The following MKLN1 variants were observed in gnomAD, a reference collection of about 807,000 sequenced individuals.
MKLN1 encodes the protein muskelin 1.
A neutral mutation model predicts 99.0 loss-of-function variants in MKLN1; 18 were observed. That is an observed-to-expected ratio of 0.18 (90% CI 0.13 to 0.27). MKLN1 has a LOEUF of 0.27. Ranked by LOEUF, MKLN1 falls within the 10% of genes least tolerant of loss-of-function variation. The probability of loss-of-function intolerance (pLI) is 1.00; values close to 1 mark genes in which losing one functional copy is unlikely to be tolerated. For missense variants in MKLN1, 621 were observed against 875.9 expected, an observed-to-expected ratio of 0.71 and a Z score of 3.67; for synonymous variants, 288 against 293.2, an observed-to-expected ratio of 0.98 and a Z score of 0.18.
intron 3 of MKLN1, among the ~76,000 whole-genome samples, chr7:131,219,375 A>G (rs1336196334): frequency 6.6e-6 from 1 of 152,138 alleles, no homozygotes; most frequent in African/African-American, 2.4e-5. Context: ...ACACAACAGG[A>G]CAAAGGCCAA....
chr7:131,458,947 C>G (rs531804474), intron 12 of MKLN1, among the ~76,000 whole-genome samples: 1 of 152,152 alleles, frequency 6.6e-6, no homozygotes, highest in East Asian at 1.9e-4. Flanking sequence ...GTTTGACACT[C>G]CTATAATAAA....
At chr7:131,149,770 G>C (rs370391994) in intron 2 of MKLN1, among the ~76,000 whole-genome samples, 1 of 152,290 alleles carries the variant, frequency 6.6e-6, no homozygotes, top group South Asian at 2.1e-4. Context: ...TACAGTTGAG[G>C]TTTTTAATTC....
rs1363228667 is a variant in MKLN1, at chr7:131,488,425, T to C, written c.*697T>C. 1.3e-5 allele frequency: 2 copies of C among 152,562 alleles called. No individual in the cohort carries two copies. Among genetic ancestry groups the C allele is most frequent in the African/African-American group, 4.8e-5 (2 of 41,438 alleles). 9.5% of individuals were successfully genotyped at this position (152,562 alleles called of 1,614,324 possible). A position where few individuals can be genotyped will look rare whatever the true frequency, so the allele number is the denominator to read the frequency against. ...ATCTGAGATTGGTATATAATATTTCTATAATGATATATTTTATAGTAGATA... is the reference window on the plus strand; with the variant it reads ...ATCTGAGATTGGTATATAATATTTCCATAATGATATATTTTATAGTAGATA... On this transcript the variant is annotated 3_prime_UTR_variant, in exon 18 of 18. Transcript: ENST00000352689.
At chr7:131,383,488 T>C (rs947504548) in intron 2 of MKLN1, among the ~76,000 whole-genome samples, 1 of 152,080 alleles carries the variant, frequency 6.6e-6, no homozygotes, top group Non-Finnish European at 1.5e-5. Context: ...CATGAATGAA[T>C]CCAGCAGCTA....
At chr7:131,355,962 T>G (rs1255891954) in intron 1 of MKLN1, among the ~76,000 whole-genome samples, 1 of 152,028 alleles carries the variant, frequency 6.6e-6, no homozygotes, top group Non-Finnish European at 1.5e-5. Flanking sequence ...TTTTTCTATC[T>G]CTTAAATTTT....
At chr7:131,189,751 G>A (rs756408217) in intron 2 of MKLN1, among the ~76,000 whole-genome samples, 75 of 152,278 alleles carry the variant, frequency 4.9e-4, no homozygotes, top group Non-Finnish European at 8.4e-4. Flanking sequence ...AGAACTATTA[G>A]ACGCCCGTTG....
Position 131,302,017 on chromosome 7 carries a change from A to G in MKLN1, c.-178-73407A>G, listed in dbSNP as rs373134997. On this transcript the variant is annotated intron_variant, in intron 3 of 7. Transcript: ENST00000416992. ...TGAAATAGGAAAAGTTTAATTGACA[A>G]TGCCACAGGGGCCAATACCTGTAGG... 7.2e-4 allele frequency among the ~76,000 whole-genome samples: 109 copies of G among 152,362 alleles called. 1 individual carries two copies. Among genetic ancestry groups the G allele is most frequent in the Admixed American group, 2.2e-3 (33 of 15,302 alleles).
Position 131,445,762 on chromosome 7 carries a change from C to A in MKLN1, c.1396-12C>A, listed in dbSNP as rs74980793. 1.4e-6 allele frequency: 2 copies of A among 1,463,030 alleles called. No homozygotes were observed. Among genetic ancestry groups the A allele is most frequent in the African/African-American group, 1.5e-5 (1 of 66,382 alleles). 90.6% of individuals were successfully genotyped at this position (1,463,030 alleles called of 1,614,324 possible). On this transcript the variant is annotated splice_polypyrimidine_tract_variant and intron_variant, in intron 11 of 17. Transcript: ENST00000352689. ...AAGTTACTCCTTTCTTTTTTTTTTT[C>A]TTCTTTTTCAGAAAAATCGTTGCTT...
chr7:131,435,069 A>G (rs962982075), intron 9 of MKLN1, among the ~76,000 whole-genome samples: 6 of 152,200 alleles, frequency 3.9e-5, no homozygotes, highest in Non-Finnish European at 4.4e-5. Flanking sequence ...TTGATCATGA[A>G]TAGGTGATGA....
intron 3 of MKLN1, among the ~76,000 whole-genome samples, chr7:131,245,322 C>A (rs1797470004): frequency 6.9e-6 from 1 of 144,312 alleles, no homozygotes; most frequent in South Asian, 2.3e-4. Context: ...AGGCTGAGAG[C>A]AGTGGCGTGA....
intron 8 of MKLN1, among the ~76,000 whole-genome samples, chr7:131,427,625 C>G (rs888714109): frequency 1.3e-5 from 2 of 152,136 alleles, no homozygotes; most frequent in African/African-American, 4.8e-5. Context: ...GTGATCTCAG[C>G]TCCCTGCAAC....
intron 2 of MKLN1, among the ~76,000 whole-genome samples, chr7:131,192,263 TATATAA>T (rs1563247661): frequency 2.0e-4 from 17 of 84,670 alleles, no homozygotes; most frequent in Non-Finnish European, 3.4e-4. Flanking sequence ...ATATATACAA[TATATAA>T]ATATATAAAA....
At chr7:131,135,966 A>G (rs55659250) in intron 1 of MKLN1, among the ~76,000 whole-genome samples, 44,891 of 152,060 alleles carry the variant, frequency 0.3, 6,993 homozygotes, top group African/African-American at 0.39. Context: ...TTCAGGGTGC[A>G]AAGCTTTGCG....
intron 17 of MKLN1, among the ~76,000 whole-genome samples, chr7:131,482,842 A>C (rs1797163491): frequency 6.6e-6 from 1 of 152,238 alleles, no homozygotes; most frequent in Non-Finnish European, 1.5e-5. Context: ...AGCACTTTGC[A>C]TGTCTTAACG....
intron 9 of MKLN1, among the ~76,000 whole-genome samples, chr7:131,433,740 TA>T (rs1697608956): frequency 6.6e-6 from 1 of 152,202 alleles, no homozygotes; most frequent in African/African-American, 2.4e-5. Flanking sequence ...TCGATTACTG[TA>T]GCTTTATAGT....
At chr7:131,438,025 G>C in intron 10 of MKLN1, 28 bp downstream of exon 10, 1 of 1,516,292 alleles carries the variant, frequency 6.6e-7, no homozygotes, top group Non-Finnish European at 9.2e-7. Flanking sequence ...ATATATGATG[G>C]AATTAATCAG....
intron 1 of MKLN1, among the ~76,000 whole-genome samples, chr7:131,342,155 GA>G (rs755293705): frequency 5.5e-4 from 81 of 147,266 alleles, no homozygotes; most frequent in Non-Finnish European, 1.1e-3. Flanking sequence ...ATTTTTTGTT[GA>G]TTTTTTTTTT....
chr7:131,471,659 C>G lies in MKLN1; in HGVS notation c.2031+715C>G, dbSNP rs141883460. ...TTTCCAGGCATCCTTGTTCATCTAG[C>G]AATATCTGAACTGCAGTGCATTTGC... On this transcript the variant is annotated intron_variant, in intron 16 of 17. Coordinates refer to ENST00000352689, the MANE Select transcript of MKLN1 (RefSeq NM_013255.5). 452 of 152,458 alleles carry G rather than the reference C, an allele frequency of 3.0e-3. 1 individual carries two copies. Among genetic ancestry groups the G allele is most frequent in the Non-Finnish European group, 3.3e-3 (227 of 68,150 alleles). The allele number at this position is 152,458 out of a possible 1,614,324, so 9.4% of individuals were successfully genotyped here.
At chr7:131,262,470 C>T (rs1797746708) in intron 3 of MKLN1, among the ~76,000 whole-genome samples, 1 of 152,068 alleles carries the variant, frequency 6.6e-6, no homozygotes, top group Admixed American at 6.5e-5. Flanking sequence ...CCCCACTACC[C>T]CCTCCTCCAA....
Sources: gnomAD v4.1 joint callset for allele counts (sites outside exome capture counted in the v4.1 genomes callset) on GRCh38, gnomAD v4.1.1 for gene constraint, MANE v1.5 for transcripts, NCBI Gene and HGNC (gene_info 2026-07-23, HGNC 2026-07-21) for gene names.